The following THSD7A variants were observed in gnomAD, a reference collection of about 807,000 sequenced individuals.
THSD7A encodes the protein thrombospondin type-1 domain-containing protein 7A.
Under a neutral mutation model 231.3 loss-of-function variants are expected in THSD7A, and 96 were observed. The observed-to-expected ratio is 0.41, with a 90% CI of 0.35 to 0.49. The LOEUF is 0.49. Among genes scored for constraint, THSD7A ranks in the 20% least tolerant of loss-of-function variants. The probability of loss-of-function intolerance (pLI) is 0.05; values close to 1 mark genes in which losing one functional copy is unlikely to be tolerated. For synonymous variants in THSD7A, 940 were observed against 743.3 expected, an observed-to-expected ratio of 1.26 and a Z score of -4.30; for missense variants, 2,290 against 2,070.2, an observed-to-expected ratio of 1.11 and a Z score of -2.06.
At chr7:11,729,345 T>TA (rs1439329388) in intron 1 of THSD7A, among the ~76,000 whole-genome samples, 1 of 151,746 alleles carries the variant, frequency 6.6e-6, no homozygotes, top group Non-Finnish European at 1.5e-5. Context: ...AAATTACTGT[T>TA]AGTGTAGCCA....
chr7:11,480,275 T>C (rs1368076728), intron 7 of THSD7A, among the ~76,000 whole-genome samples: 6 of 152,172 alleles, frequency 3.9e-5, no homozygotes, highest in Non-Finnish European at 8.8e-5. Flanking sequence ...TGAAGCATCA[T>C]GTCTACAGGA....
At chr7:11,527,743 A>G (rs17164717) in intron 6 of THSD7A, among the ~76,000 whole-genome samples, 11,068 of 152,226 alleles carry the variant, frequency 0.073, 984 homozygotes, top group African/African-American at 0.21. Context: ...CCTAGTAGCC[A>G]CTTATTCAAA....
rs184278081 is a variant in THSD7A at position 11,638,435 on chromosome 7, G to C, written c.191-1474C>G. 1.6e-3 allele frequency among the ~76,000 whole-genome samples: 244 copies of C among 152,232 alleles called. 5 individuals carry two copies. Among genetic ancestry groups the C allele is most frequent in the Non-Finnish European group, 9.3e-4 (63 of 68,002 alleles). Reference sequence around the variant, plus strand: ...TAGTATATGAATAAAGAAATATAAAGAATGTGCCTATCATATTTAATCTAA... The same window carrying C: ...TAGTATATGAATAAAGAAATATAAACAATGTGCCTATCATATTTAATCTAA... On this transcript the variant is annotated intron_variant, in intron 1 of 27. Coordinates refer to ENST00000423059, the MANE Select transcript of THSD7A (RefSeq NM_015204.3).
At position 11,568,656 on chromosome 7, in the gene THSD7A, C is replaced by CAAAAAA. The variant is rs1562728058; in HGVS notation, c.1453+21803_1453+21804insTTTTTT. Reference sequence around the variant, plus strand: ...AAAAAAAAAAAAAAAAAAAAAAAACCAAAATCTGGAACAAGGTAAAGATGA... The same window carrying CAAAAAA: ...AAAAAAAAAAAAAAAAAAAAAAAACCAAAAAAAAAATCTGGAACAAGGTAAAGATGA... On this transcript the variant is annotated intron_variant, in intron 4 of 27. Coordinates refer to ENST00000423059, the MANE Select transcript of THSD7A (RefSeq NM_015204.3). 1.5e-3 allele frequency among the ~76,000 whole-genome samples: 130 copies of CAAAAAA among 88,652 alleles called. 9 individuals are homozygous for CAAAAAA. Among genetic ancestry groups the CAAAAAA allele is most frequent in the Middle Eastern group, 9.3e-3 (1 of 108 alleles). 58.2% of individuals were successfully genotyped at this position (88,652 alleles called of 152,430 possible). A position where few individuals can be genotyped will look rare whatever the true frequency, so the allele number is the denominator to read the frequency against.
At position 11,474,271 on chromosome 7, in the gene THSD7A, G is replaced by A. The variant is rs1786053841; in HGVS notation, c.2252+63C>T. The A allele has an allele frequency of 2.2e-6, 3 of 1,373,210 alleles. No individual in the cohort carries two copies. Among genetic ancestry groups the A allele is most frequent in the Admixed American group, 2.0e-5 (1 of 50,224 alleles). The allele number at this position is 1,373,210 out of a possible 1,614,324, so 85.1% of individuals were successfully genotyped here. ...TGTTCCATTTCATGAAGCCAGTGAA[G>A]CCTGAGCCAATCCTCTGCACAGGTG... On this transcript the variant is annotated intron_variant, in intron 8 of 27. Coordinates refer to ENST00000423059, the MANE Select transcript of THSD7A (RefSeq NM_015204.3). This position sits in a 1 kb window ranked among gnomAD's most constrained non-coding sequence, Gnocchi z 4.1.
intron 1 of THSD7A, among the ~76,000 whole-genome samples, chr7:11,764,403 A>C (rs1410241832): frequency 1.3e-5 from 2 of 152,082 alleles, no homozygotes; most frequent in African/African-American, 4.8e-5. Context: ...AACACGGTGA[A>C]ACCCCGTCTC....
chr7:11,379,302 T>C (rs1782413545), intron 25 of THSD7A, 22 bp from the exon 26 acceptor site: 1 of 1,609,434 alleles, frequency 6.2e-7, no homozygotes. Context: ...CAAGAAGATT[T>C]ATACTAGCCA....
intron 6 of THSD7A, among the ~76,000 whole-genome samples, chr7:11,490,462 C>G (rs1383680580): frequency 6.6e-6 from 1 of 151,986 alleles, no homozygotes; most frequent in Non-Finnish European, 1.5e-5. Context: ...GTTAGACAGA[C>G]AAAAAGGGTA....
chr7:11,432,979 T>C (rs1784526421), intron 13 of THSD7A, among the ~76,000 whole-genome samples: 1 of 152,024 alleles, frequency 6.6e-6, no homozygotes. Context: ...TAGTCCCAGA[T>C]AATCTTCTGG....
chr7:11,516,667 A>G (rs1327058235), intron 6 of THSD7A, among the ~76,000 whole-genome samples: 1 of 152,252 alleles, frequency 6.6e-6, no homozygotes, highest in Non-Finnish European at 1.5e-5. Context: ...CTATTTGCTA[A>G]CAATATAAAT....
chr7:11,754,746 A>T (rs536089835), intron 1 of THSD7A, among the ~76,000 whole-genome samples: 1 of 152,126 alleles, frequency 6.6e-6, no homozygotes, highest in South Asian at 2.1e-4. Flanking sequence ...GTTGATTTCA[A>T]CATACAATGT....
chr7:11,431,481 C>G (rs1231756478), intron 13 of THSD7A, among the ~76,000 whole-genome samples: 1 of 152,106 alleles, frequency 6.6e-6, no homozygotes, highest in African/African-American at 2.4e-5. Context: ...TTGTGGCACC[C>G]TTGTTGAAAA....
At chr7:11,690,138 A>T (rs2128141682) in intron 1 of THSD7A, among the ~76,000 whole-genome samples, 1 of 151,940 alleles carries the variant, frequency 6.6e-6, no homozygotes, top group Admixed American at 6.6e-5. Flanking sequence ...CTATTGTAAC[A>T]GACTACTATA....
At chr7:11,784,829 G>C (rs564795135) in intron 1 of THSD7A, among the ~76,000 whole-genome samples, 111 of 152,136 alleles carry the variant, frequency 7.3e-4, no homozygotes, top group African/African-American at 2.6e-3. Flanking sequence ...CAAATGTTAA[G>C]ACTATCAAAA....
Position 11,373,058 on chromosome 7 carries a change from G to GGTGTGTGT in THSD7A, c.*2728_*2735dup, listed in dbSNP as rs746458899. On this transcript the variant is annotated 3_prime_UTR_variant, in exon 28 of 28. Coordinates refer to ENST00000423059, the MANE Select transcript of THSD7A (RefSeq NM_015204.3). ...TAATTTCCTCTCTCTCATATATATGGGTGTGTGTGTGTGTGTGTGTATATA... is the reference window on the plus strand; with the variant it reads ...TAATTTCCTCTCTCTCATATATATGGGTGTGTGTGTGTGTGTGTGTGTGTGTGTATATA... 7.5e-6 allele frequency: 1 copy of GGTGTGTGT among 134,094 alleles called. No individual in the cohort carries two copies. Among genetic ancestry groups the GGTGTGTGT allele is most frequent in the African/African-American group, 2.8e-5 (1 of 35,888 alleles). The allele number at this position is 134,094 out of a possible 1,614,324, so 8.3% of individuals were successfully genotyped here.
chr7:11,496,694 G>T (rs1787116584), intron 6 of THSD7A, among the ~76,000 whole-genome samples: 1 of 152,178 alleles, frequency 6.6e-6, no homozygotes, highest in Admixed American at 6.5e-5. Context: ...TTTAGAAGCA[G>T]GAGATATTAT....
chr7:11,482,143 T>C (rs774384156), intron 6 of THSD7A, among the ~76,000 whole-genome samples, 161 bp from the exon 7 acceptor site: 3 of 152,190 alleles, frequency 2.0e-5, no homozygotes, highest in Admixed American at 6.5e-5. Context: ...CAGATGTTAA[T>C]AGAACACCAG....
chr7:11,593,945 A>C (rs941471756), intron 2 of THSD7A, among the ~76,000 whole-genome samples: 1 of 152,172 alleles, frequency 6.6e-6, no homozygotes, highest in South Asian at 2.1e-4. Flanking sequence ...AAGCATGCAA[A>C]GTATTGGTCC....
chr7:11,458,876 G>A (rs1785401041), intron 11 of THSD7A, among the ~76,000 whole-genome samples: 1 of 152,148 alleles, frequency 6.6e-6, no homozygotes, highest in Admixed American at 6.6e-5. Flanking sequence ...CTTGGGTTAT[G>A]AACAAACAGG....
Sources: allele counts gnomAD v4.1 joint callset (sites outside exome capture counted in the v4.1 genomes callset), GRCh38; gene constraint gnomAD v4.1.1; non-coding constraint Gnocchi (gnomAD v3.1); transcripts MANE v1.5; gene names NCBI Gene and HGNC (gene_info 2026-07-23, HGNC 2026-07-21).